PEX5: variants seen among roughly 807,000 people sequenced by gnomAD.
PEX5 encodes peroxisomal biogenesis factor 5.
Under a neutral mutation model 82.9 loss-of-function variants are expected in PEX5, and 52 were observed. That is an observed-to-expected ratio of 0.63 (90% CI 0.50 to 0.79). PEX5 has a LOEUF of 0.79. PEX5 is among the 30% of genes least tolerant of loss of function. PEX5 has a pLI of 0.00. For synonymous variants in PEX5, 300 were observed against 318.8 expected, an observed-to-expected ratio of 0.94 and a Z score of 0.63; for missense variants, 719 against 815.2, an observed-to-expected ratio of 0.88 and a Z score of 1.44.
rs747529713 is a variant in PEX5, at chr12:7,203,532, C to A, written c.947C>A (p.Thr316Lys). 6.2e-7 allele frequency: 1 copy of A among 1,613,792 alleles called. No individual in the cohort carries two copies. Among genetic ancestry groups the A allele is most frequent in the South Asian group, 1.1e-5 (1 of 91,030 alleles). ...TGGCTTTCTGACTATGATGACCTTACGTCAGCTACCTATGATAAGGTGAGG... is the reference window on the plus strand; with the variant it reads ...TGGCTTTCTGACTATGATGACCTTAAGTCAGCTACCTATGATAAGGTGAGG... ...HPWLSDYDDL[T>K]SATYDKGYQF... Residue 316 changes from threonine to lysine, a missense_variant, in exon 10 of 16, where the codon ACG (threonine) becomes AAG (lysine). Physicochemically the swap from Thr to Lys is moderately conservative, Grantham distance 78. Coordinates refer to ENST00000675855, the MANE Select transcript of PEX5 (RefSeq NM_001351132.2).
intron 12 of PEX5, among the ~76,000 whole-genome samples, 182 bp from the exon 13 acceptor site, chr12:7,208,275 G>C (rs1275668949): frequency 2.6e-5 from 4 of 152,148 alleles, no homozygotes; most frequent in African/African-American, 9.7e-5. Flanking sequence ...GCTTTGGTTG[G>C]CTCCTTGCCT....
intron 9 of PEX5, among the ~76,000 whole-genome samples, chr12:7,203,161 A>AGGG (rs1333026182): frequency 8.5e-6 from 1 of 117,554 alleles, no homozygotes; most frequent in African/African-American, 3.4e-5. Flanking sequence ...TCTGTCTCAA[A>AGGG]CAAAAAACTA....
Position 7,201,822 on chromosome 12 carries a change from C to T in PEX5, c.623C>T (p.Pro208Leu), listed in dbSNP as rs1250628074. ...GACTTTGTGGCCAAAGTGGATGACCCCAAATTGGCTAATTCTGAGGTGAGC... is the reference window on the plus strand; with the variant it reads ...GACTTTGTGGCCAAAGTGGATGACCTCAAATTGGCTAATTCTGAGGTGAGC... ...ASDFVAKVDDPKLANSEFLKF... is the reference protein window; with the variant it reads ...ASDFVAKVDDLKLANSEFLKF... The change falls in exon 7 of 16, where the codon CCC (proline) becomes CTC (leucine). Residue 208 changes from proline to leucine, a missense_variant. By Grantham distance (98) the Pro-to-Leu change is moderately conservative. Transcript: ENST00000675855. 1 of 1,613,300 alleles carries T rather than the reference C, an allele frequency of 6.2e-7. No individual in the cohort carries two copies. Among genetic ancestry groups the T allele is most frequent in the African/African-American group, 1.3e-5 (1 of 75,014 alleles).
chr12:7,218,244 A>G (rs892924488), intron 17 of PEX5, among the ~76,000 whole-genome samples: 7 of 152,176 alleles, frequency 4.6e-5, no homozygotes, highest in African/African-American at 1.4e-4. Context: ...GGTCTTTCTT[A>G]TATCAACTAA....
chr12:7,190,125 C>G (rs1940706946), intron 1 of PEX5: 6 of 1,482,308 alleles, frequency 4.0e-6, no homozygotes, highest in Non-Finnish European at 5.3e-6. Flanking sequence ...ACCGTAGTCG[C>G]GGAGGCCTCT....
At chr12:7,192,817 CTCCTCGCA>C (rs1941398292) in intron 5 of PEX5, among the ~76,000 whole-genome samples, 1 of 152,218 alleles carries the variant, frequency 6.6e-6, no homozygotes, top group Admixed American at 6.5e-5. Flanking sequence ...GCATCCATTG[CTCCTCGCA>C]TCCTTTAGGA....
chr12:7,204,996 G>A (rs927388929), intron 10 of PEX5, among the ~76,000 whole-genome samples: 7 of 152,172 alleles, frequency 4.6e-5, no homozygotes, highest in African/African-American at 9.6e-5. Flanking sequence ...AAACTGAACC[G>A]TTACCTCACA....
At chr12:7,216,274 C>G (rs1280299273), downstream of PEX5, among the ~76,000 whole-genome samples, 1 of 152,160 alleles carries the variant, frequency 6.6e-6, no homozygotes, top group Non-Finnish European at 1.5e-5. Context: ...GGCCCAAATT[C>G]CTTAAACACT....
rs1555174623 is a variant in PEX5 at position 7,196,024 on chromosome 12, C to CGTTACAT, written c.449-2987_449-2986insGTTACAT. On this transcript the variant is annotated intron_variant, in intron 5 of 15. Coordinates refer to ENST00000675855, the MANE Select transcript of PEX5 (RefSeq NM_001351132.2). ...CAACCATATTTCTTATTACATTATA[C>CGTTACAT]ATTATATATTATATATATTATATAT... 9.9e-3 allele frequency among the ~76,000 whole-genome samples: 662 copies of CGTTACAT among 66,960 alleles called. 7 individuals carry two copies. Among genetic ancestry groups the CGTTACAT allele is most frequent in the African/African-American group, 0.025 (611 of 24,392 alleles). 43.9% of individuals were successfully genotyped at this position (66,960 alleles called of 152,430 possible).
At chr12:7,196,134 A>T (rs1299017190) in intron 5 of PEX5, among the ~76,000 whole-genome samples, 1 of 48,026 alleles carries the variant, frequency 2.1e-5, no homozygotes, top group Non-Finnish European at 6.2e-5. Context: ...TATATAATGT[A>T]TTTCTTATTA....
downstream of PEX5, among the ~76,000 whole-genome samples, chr12:7,215,802 C>T (rs1272284743): frequency 5.9e-5 from 9 of 152,014 alleles, no homozygotes; most frequent in African/African-American, 1.4e-4. Context: ...TTCTGGGTGA[C>T]GGGATCATTT....
At position 7,203,302 on chromosome 12, in the gene PEX5, C is replaced by G. The variant is rs4883087; in HGVS notation, c.847-130C>G. On this transcript the variant is annotated intron_variant, in intron 9 of 15. Coordinates refer to ENST00000675855, the MANE Select transcript of PEX5 (RefSeq NM_001351132.2). Reference sequence around the variant, plus strand: ...ATCTGGCCATTTGCATTTTAAAAAACTTATTCAGATGATTCTTAAACATAT... The same window carrying G: ...ATCTGGCCATTTGCATTTTAAAAAAGTTATTCAGATGATTCTTAAACATAT... 857,737 of 1,108,646 alleles carry G rather than the reference C, an allele frequency of 0.77. 335,118 individuals are homozygous for G. The highest frequency in any genetic ancestry group is 0.84 in the South Asian group (51,086 of 60,640). 68.7% of individuals were successfully genotyped at this position (1,108,646 alleles called of 1,614,324 possible).
At chr12:7,198,904 C>A in intron 5 of PEX5, 107 bp from the exon 6 acceptor site, 4 of 669,268 alleles carry the variant, frequency 6.0e-6, no homozygotes, top group Non-Finnish European at 1.1e-5. Context: ...GTTTTGTCTG[C>A]TTTGGTGTGG....
At chr12:7,196,537 CAT>C (rs1391519982) in intron 5 of PEX5, among the ~76,000 whole-genome samples, 6 of 23,326 alleles carry the variant, frequency 2.6e-4, no homozygotes, top group African/African-American at 4.4e-4. Flanking sequence ...ATATATGTCA[CAT>C]ATAATGTAAT....
intron 9 of PEX5, among the ~76,000 whole-genome samples, chr12:7,203,052 G>T (rs1161856028): frequency 5.3e-5 from 8 of 152,096 alleles, no homozygotes; most frequent in Admixed American, 2.0e-4. Flanking sequence ...CAGCTACTTG[G>T]GAGGCTGAGG....
downstream of PEX5, among the ~76,000 whole-genome samples, chr12:7,211,762 A>G (rs1359030497): frequency 1.3e-5 from 2 of 152,166 alleles, no homozygotes; most frequent in African/African-American, 2.4e-5. Context: ...TATGAATTAC[A>G]TGGAAGGATT....
chr12:7,201,432 C>A (rs181170644), intron 6 of PEX5, among the ~76,000 whole-genome samples: 1 of 151,980 alleles, frequency 6.6e-6, no homozygotes, highest in Non-Finnish European at 1.5e-5. Context: ...TTTCAAGAAT[C>A]CTAACTATCC....
At chr12:7,194,525 A>C (rs1384172031) in intron 5 of PEX5, among the ~76,000 whole-genome samples, 1 of 151,468 alleles carries the variant, frequency 6.6e-6, no homozygotes, top group Non-Finnish European at 1.5e-5. Flanking sequence ...GATTTGTGTA[A>C]GCACCATCAT....
In PEX5 at chr12:7,210,247, G is replaced by A. The variant is rs1263953447; in HGVS notation, c.*24G>A. ...GACAGTGGGACGGGCTGCCCTGTGAGTGTCCACCTGGAGGGATCCCCGCTT... is the reference window on the plus strand; with the variant it reads ...GACAGTGGGACGGGCTGCCCTGTGAATGTCCACCTGGAGGGATCCCCGCTT... On this transcript the variant is annotated 3_prime_UTR_variant, in exon 16 of 16. Transcript: ENST00000675855. 1 of 1,606,298 alleles carries A rather than the reference G, an allele frequency of 6.2e-7. No individual in the cohort carries two copies. The highest frequency in any genetic ancestry group is 2.2e-5 in the East Asian group (1 of 44,858).
Sources: allele counts gnomAD v4.1 joint callset (sites outside exome capture counted in the v4.1 genomes callset), GRCh38; gene constraint gnomAD v4.1.1; transcripts MANE v1.5; gene names NCBI Gene and HGNC (gene_info 2026-07-23, HGNC 2026-07-21).